The following ACTN3 variants were observed in gnomAD, a reference collection of about 807,000 sequenced individuals.
The protein encoded by ACTN3 is alpha-actinin-3.
Under a neutral mutation model 119.6 loss-of-function variants are expected in ACTN3, and 91 were observed. The observed-to-expected ratio is 0.76, with a 90% CI of 0.64 to 0.91. ACTN3 has a LOEUF of 0.91. Ranked by LOEUF, ACTN3 falls within the 40% of genes least tolerant of loss-of-function variation. ACTN3 has a pLI of 0.00. For missense variants in ACTN3, 1,221 were observed against 1,215.1 expected, an observed-to-expected ratio of 1.00 and a Z score of -0.07; for synonymous variants, 456 against 478.8, an observed-to-expected ratio of 0.95 and a Z score of 0.62.
chr11:66,557,554 G>A, intron 9 of ACTN3, 145 bp from the exon 10 acceptor site: 1 of 830,600 alleles, frequency 1.2e-6, no homozygotes, highest in Admixed American at 2.5e-5. Context: ...TCTGACTTGT[G>A]GGGACTACCC....
intron 8 of ACTN3, among the ~76,000 whole-genome samples, chr11:66,556,497 T>G (rs1857593655): frequency 6.6e-6 from 1 of 152,242 alleles, no homozygotes; most frequent in Non-Finnish European, 1.5e-5. Flanking sequence ...TCATCCAGGC[T>G]GGAGTGAAGT....
At chr11:66,557,000 A>G (rs1375402905) in intron 8 of ACTN3, 133 bp from the exon 9 acceptor site, 5 of 666,880 alleles carry the variant, frequency 7.5e-6, no homozygotes, top group Non-Finnish European at 1.3e-5. Context: ...TGACCTCGTG[A>G]TCCGCCCGCC....
intron 19 of ACTN3, 56 bp downstream of exon 19, chr11:66,562,378 G>C: frequency 6.4e-7 from 1 of 1,562,996 alleles, no homozygotes; most frequent in Non-Finnish European, 8.8e-7. Flanking sequence ...CCTCTGTGCT[G>C]ATCACCTACT....
rs555327073 is a variant in ACTN3 at position 66,557,040 on chromosome 11, C to T, written c.805-93C>T. ...CCTCCCAAACTGCTGGGATTACAGG[C>T]GTGAGCCACCGCGCTCGGCGGGGCT... is the stretch of plus-strand genomic sequence containing the variant. On this transcript the variant is annotated intron_variant, in intron 8 of 20. Transcript: ENST00000513398. 69 of 1,120,068 alleles carry T rather than the reference C, an allele frequency of 6.2e-5. No individual in the cohort carries two copies. The Middle Eastern group carries it at 1.3e-3, about 21-fold the overall frequency. 69.4% of individuals were successfully genotyped at this position (1,120,068 alleles called of 1,614,324 possible).
intron 9 of ACTN3, 33 bp from the exon 10 acceptor site, chr11:66,557,666 G>A (rs747633883): frequency 6.3e-7 from 1 of 1,582,622 alleles, no homozygotes; most frequent in Non-Finnish European, 8.6e-7. Context: ...TCAGCGCAGA[G>A]CTGTCTGCCT....
upstream of ACTN3, chr11:66,546,714 G>T: frequency 6.5e-7 from 1 of 1,535,332 alleles, no homozygotes; most frequent in Middle Eastern, 1.7e-4. Context: ...GCAAACCCAG[G>T]ATCTCCGCCG....
rs759869698 is a variant in ACTN3 at position 66,560,183 on chromosome 11, C to T, written c.1549C>T (p.Leu517Phe). 6 of 1,606,454 alleles carry T rather than the reference C, an allele frequency of 3.7e-6. No homozygotes were observed. In the Admixed American group the frequency reaches 6.8e-5, roughly 18 times the overall value. ...CTCCCACCTCTAGCGGATGGAGAAGCTCCTGGAGACCATTGACCGGCTGCA... is the reference window on the plus strand; with the variant it reads ...CTCCCACCTCTAGCGGATGGAGAAGTTCCTGGAGACCATTGACCGGCTGCA... ...RRDALERMEK[L>F]LETIDRLQLE... The change falls in exon 14 of 21, where the codon CTC (leucine) becomes TTC (phenylalanine). Residue 517 changes from leucine to phenylalanine, a missense_variant. Coordinates refer to ENST00000513398, the MANE Select transcript of ACTN3 (RefSeq NM_001104.4).
chr11:66,551,553 A>T lies in ACTN3; in HGVS notation c.288A>T (p.Lys96Asn). The change falls in exon 3 of 21, where the codon AAA becomes AAT. Residue 96 changes from lysine to asparagine, a missense_variant. By Grantham distance (94) the Lys-to-Asn change is moderately conservative (BLOSUM62 0). This residue lies in a region of ACTN3 where 239 missense variants were observed against 231.8 expected (regional missense o/e 1.03). Coordinates refer to ENST00000513398, the MANE Select transcript of ACTN3 (RefSeq NM_001104.4). ...ISGERLPRPD[K>N]GKMRFHKIAN... ...GTGAGAGGCTGCCTAGGCCAGATAA[A>T]GGCAAGATGCGCTTCCACAAAATCG... 3 of 1,614,044 alleles carry T rather than the reference A, an allele frequency of 1.9e-6. No individual in the cohort carries two copies. The highest frequency in any genetic ancestry group is 2.5e-6 in the Non-Finnish European group (3 of 1,179,944).
chr11:66,561,399 G>A (rs748136715), intron 16 of ACTN3, 38 bp downstream of exon 16: 20 of 1,606,350 alleles, frequency 1.2e-5, no homozygotes, highest in Non-Finnish European at 1.6e-5. Flanking sequence ...TGGGGGGATG[G>A]GGCCAGGGCT....
intron 1 of ACTN3, among the ~76,000 whole-genome samples, chr11:66,548,847 C>G (rs915303447): frequency 8.5e-5 from 13 of 152,180 alleles, no homozygotes; most frequent in African/African-American, 3.1e-4. Flanking sequence ...ACATTTCTGT[C>G]TCATCCATCC....
chr11:66,562,182 T>C lies in ACTN3; in HGVS notation c.2322+14T>C. On this transcript the variant is annotated intron_variant, in intron 18 of 20. Transcript: ENST00000513398. ...CACTTTGACAGGGTCAGCAGGGGCC[T>C]GGCCCTGTGGGGTAAGACACTTGGG... 1 of 1,613,896 alleles carries C rather than the reference T, an allele frequency of 6.2e-7. No homozygotes were observed. The highest frequency in any genetic ancestry group is 8.5e-7 in the Non-Finnish European group (1 of 1,179,858).
chr11:66,560,590 C>A lies in ACTN3; in HGVS notation c.1695C>A (p.His565Gln). The change falls in exon 15 of 21, where the codon CAC becomes CAA. Residue 565 changes from histidine to glutamine, a missense_variant. Physicochemically the swap from His to Gln is conservative, Grantham distance 24. Coordinates refer to ENST00000513398, the MANE Select transcript of ACTN3 (RefSeq NM_001104.4). ...GTCCCCAGAGCCTGCTGACAGCGCA[C>A]GATCAGTTCAAGGCAACACTGCCCG... ...VEETQSLLTA[H>Q]DQFKATLPEA... The A allele has an allele frequency of 6.2e-7, 1 of 1,612,192 alleles. No homozygotes were observed. Among genetic ancestry groups the A allele is most frequent in the Non-Finnish European group, 8.5e-7 (1 of 1,179,298 alleles).
chr11:66,561,568 G>A lies in ACTN3; in HGVS notation c.2106G>A (p.Leu702=), dbSNP rs2134941593. The stretch of plus-strand genomic sequence containing the variant: ...ACTACAAGACTAACATTGACCGGCT[G>A]GAGGGTGACCACCAGCTGCTGCAGG... ...IINYKTNIDR[L]EGDHQLLQES... is the part of the protein sequence containing the mutation. Residue 702 remains leucine (L), a synonymous_variant, in exon 17 of 21, where the codon CTG becomes CTA. Coordinates refer to ENST00000513398, the MANE Select transcript of ACTN3 (RefSeq NM_001104.4). The A allele has an allele frequency of 6.8e-6, 11 of 1,612,922 alleles. No individual in the cohort carries two copies. The highest frequency in any genetic ancestry group is 9.3e-6 in the Non-Finnish European group (11 of 1,179,556).
Position 66,563,017 on chromosome 11 carries a change from A to T in ACTN3, c.2548-18A>T, listed in dbSNP as rs763415487. 4.4e-6 allele frequency: 7 copies of T among 1,608,264 alleles called. No homozygotes were observed. The highest frequency in any genetic ancestry group is 6.0e-6 in the Non-Finnish European group (7 of 1,176,320). Reference sequence around the variant, plus strand: ...CAGGGCACGGGACCTGTGGGTCCTCAACGCCTCTTCTCCCCAGAACTACAT... The same window carrying T: ...CAGGGCACGGGACCTGTGGGTCCTCTACGCCTCTTCTCCCCAGAACTACAT... On this transcript the variant is annotated intron_variant, in intron 20 of 20. Transcript: ENST00000513398.
intron 1 of ACTN3, among the ~76,000 whole-genome samples, chr11:66,549,732 CAAAAAAAAAAAA>C (rs61393902): frequency 2.3e-5 from 1 of 43,028 alleles, no homozygotes; most frequent in African/African-American, 1.0e-4. Flanking sequence ...ACTCTGTCTC[CAAAAAAAAAAAA>C]AAAAAAAAAA....
intron 3 of ACTN3, among the ~76,000 whole-genome samples, chr11:66,552,880 T>TCTCA (rs1337756351): frequency 2.0e-4 from 23 of 114,804 alleles, no homozygotes; most frequent in Middle Eastern, 4.2e-3. Context: ...TCTCTCTCTC[T>TCTCA]CACACACACA....
intron 11 of ACTN3, 174 bp from the exon 12 acceptor site, chr11:66,559,061 AC>A: frequency 3.5e-6 from 2 of 565,070 alleles, no homozygotes. Flanking sequence ...GGATCACGCC[AC>A]GGAAGAGGAC....
chr11:66,551,711 A>G, intron 3 of ACTN3, 64 bp downstream of exon 3: 1 of 1,593,752 alleles, frequency 6.3e-7, no homozygotes, highest in Non-Finnish European at 8.5e-7. Context: ...TCAGCAAATC[A>G]CCTCTGTGAG....
At chr11:66,551,462 T>A in intron 2 of ACTN3, 66 bp from the exon 3 acceptor site, 1 of 1,575,746 alleles carries the variant, frequency 6.3e-7, no homozygotes, top group Non-Finnish European at 8.6e-7. Context: ...GAGGGGAGAG[T>A]TTGCGGACAA....
Sources: allele counts gnomAD v4.1 joint callset (sites outside exome capture counted in the v4.1 genomes callset), GRCh38; gene constraint gnomAD v4.1.1; regional missense constraint gnomAD v4.1.1; transcripts MANE v1.5; gene names NCBI Gene and HGNC (gene_info 2026-07-23, HGNC 2026-07-21).